The following CHM variants were observed in gnomAD, a reference collection of about 807,000 sequenced individuals.
CHM encodes rab proteins geranylgeranyltransferase component A 1.
In CHM, 10 loss-of-function variants were observed where a neutral mutation model predicts 49.0. That is an observed-to-expected ratio of 0.20 (90% CI 0.13 to 0.35). CHM has a LOEUF of 0.35. Ranked by LOEUF, CHM falls within the 10% of genes least tolerant of loss-of-function variation. The probability of loss-of-function intolerance (pLI) is 1.00; values close to 1 mark genes in which losing one functional copy is unlikely to be tolerated. For missense variants in CHM, 455 were observed against 478.4 expected, an observed-to-expected ratio of 0.95 and a Z score of 0.46; for synonymous variants, 184 against 167.5, an observed-to-expected ratio of 1.10 and a Z score of -0.76.
intron 8 of CHM, among the ~76,000 whole-genome samples, chrX:85,933,945 T>G (rs781419222): frequency 1.8e-5 from 2 of 111,881 alleles, no homozygotes; most frequent in African/African-American, 6.5e-5. Flanking sequence ...GAATTCAAGA[T>G]TGCAGGAGTC....
chrX:85,932,537 G>A (rs1012976703), intron 8 of CHM, among the ~76,000 whole-genome samples: 11 of 111,971 alleles, frequency 9.8e-5, no homozygotes. Context: ...TCTCATCGTG[G>A]CTAGAATACT....
chrX:85,936,406 T>C (rs1040801245), intron 8 of CHM, among the ~76,000 whole-genome samples: 2 of 111,666 alleles, frequency 1.8e-5, no homozygotes, highest in Non-Finnish European at 3.8e-5. Context: ...AGTCTCAAAG[T>C]AGCCAAAGGT....
chrX:86,045,279 A>C (rs1300233540), intron 1 of CHM, among the ~76,000 whole-genome samples: 4 of 112,301 alleles, frequency 3.6e-5, no homozygotes, highest in African/African-American at 1.3e-4. Context: ...TACTTTCAGC[A>C]AACTATTTCA....
intron 2 of CHM, among the ~76,000 whole-genome samples, chrX:86,005,373 C>T (rs1488117508): frequency 9.0e-6 from 1 of 111,503 alleles, no homozygotes; most frequent in Admixed American, 9.5e-5. Flanking sequence ...CAAGAGCAAA[C>T]ATGTTCGAAA....
At chrX:86,035,995 G>T (rs995742909) in intron 1 of CHM, among the ~76,000 whole-genome samples, 3 of 109,708 alleles carry the variant, frequency 2.7e-5, no homozygotes, top group Non-Finnish European at 5.7e-5. Flanking sequence ...GGGTTTCACC[G>T]TGTTAACCAG....
At chrX:85,997,825 T>C (rs748753350) in intron 2 of CHM, among the ~76,000 whole-genome samples, 3 of 111,110 alleles carry the variant, frequency 2.7e-5, no homozygotes, top group East Asian at 5.7e-4. Flanking sequence ...TGGCACATGC[T>C]TGTAATCCTA....
intron 12 of CHM, among the ~76,000 whole-genome samples, chrX:85,891,675 A>C (rs7886721): frequency 1.8e-3 from 201 of 112,374 alleles, no homozygotes; most frequent in African/African-American, 6.2e-3. Flanking sequence ...CCCATGGAGA[A>C]CCTCTGCTAG....
chrX:85,979,211 A>G (rs1037906128), intron 3 of CHM, among the ~76,000 whole-genome samples: 2 of 112,047 alleles, frequency 1.8e-5, no homozygotes, highest in Middle Eastern at 4.6e-3. Context: ...CTAACCCTCT[A>G]TCTGCTGAGA....
At chrX:86,040,135 T>C (rs771161333) in intron 1 of CHM, among the ~76,000 whole-genome samples, 27 of 112,287 alleles carry the variant, frequency 2.4e-4, no homozygotes, top group Non-Finnish European at 4.9e-4. Context: ...GAGGGCCCAC[T>C]GAGCTGTTAA....
intron 8 of CHM, among the ~76,000 whole-genome samples, chrX:85,916,321 T>G (rs1481899795): frequency 8.9e-6 from 1 of 112,023 alleles, no homozygotes; most frequent in African/African-American, 3.2e-5. Flanking sequence ...GATTAACAAC[T>G]TAAATGTAAA....
intron 4 of CHM, among the ~76,000 whole-genome samples, chrX:85,972,961 C>T (rs1174857727): frequency 5.4e-5 from 6 of 111,689 alleles, no homozygotes; most frequent in Non-Finnish European, 1.1e-4. Flanking sequence ...AAGAAATACA[C>T]ATTTTACTCT....
intron 5 of CHM, among the ~76,000 whole-genome samples, chrX:85,963,425 A>G (rs1603264336): frequency 8.9e-6 from 1 of 112,876 alleles, no homozygotes. Context: ...AGGTTGTAGT[A>G]TGTGCTCAAG....
chrX:85,945,303 G>T (rs772197436), intron 8 of CHM, among the ~76,000 whole-genome samples: 1 of 109,372 alleles, frequency 9.1e-6, no homozygotes, highest in South Asian at 4.1e-4. Flanking sequence ...TGGTGGTAGG[G>T]CCTGGTGGGA....
rs1204463688 is a variant in CHM, at chrX:85,961,418, C to CAAAA, written c.702+2243_702+2246dup. On this transcript the variant is annotated intron_variant, in intron 5 of 14. Transcript: ENST00000357749. ...CTGGCAACAGAGCAAGACTCTGTCT[C>CAAAA]AAAAAAAAAAAAAAAAAAAAAAAAG... Among the ~76,000 whole-genome samples the CAAAA allele has an allele frequency of 8.2e-4, 20 of 24,354 alleles. 2 individuals are homozygous for CAAAA. Among genetic ancestry groups the CAAAA allele is most frequent in the East Asian group, 2.7e-3 (2 of 733 alleles). 21.1% of individuals were successfully genotyped at this position (24,354 alleles called of 115,157 possible). A position where few individuals can be genotyped will look rare whatever the true frequency, so the allele number is the denominator to read the frequency against.
chrX:86,005,033 T>C (rs896208225), intron 2 of CHM, among the ~76,000 whole-genome samples: 4 of 111,854 alleles, frequency 3.6e-5, no homozygotes, highest in Non-Finnish European at 7.5e-5. Flanking sequence ...CCTCAGCAAA[T>C]GTAAAAGAAC....
chrX:86,007,037 G>A (rs1430800111), intron 2 of CHM, among the ~76,000 whole-genome samples: 1 of 111,707 alleles, frequency 9.0e-6, no homozygotes, highest in Admixed American at 9.5e-5. Context: ...AACCAAAACA[G>A]CATGGCACTG....
chrX:86,004,655 A>C (rs1192198198), intron 2 of CHM, among the ~76,000 whole-genome samples: 1 of 112,379 alleles, frequency 8.9e-6, no homozygotes, highest in East Asian at 2.8e-4. Flanking sequence ...AAAGATCAAA[A>C]GAGACAAAGA....
chrX:85,955,731 G>A (rs1365937024), intron 8 of CHM, among the ~76,000 whole-genome samples: 1 of 111,896 alleles, frequency 8.9e-6, no homozygotes, highest in Non-Finnish European at 1.9e-5. Context: ...ATATGTTTCC[G>A]AGAGAAATTC....
intron 8 of CHM, among the ~76,000 whole-genome samples, chrX:85,929,240 ACACT>A (rs924158635): frequency 9.8e-5 from 11 of 111,680 alleles, no homozygotes; most frequent in African/African-American, 3.3e-4. Context: ...AGATCCTCTG[ACACT>A]CACAGTTCCT....
Sources: gnomAD v4.1 joint callset for allele counts (sites outside exome capture counted in the v4.1 genomes callset) on GRCh38, gnomAD v4.1.1 for gene constraint, MANE v1.5 for transcripts, NCBI Gene and HGNC (gene_info 2026-07-23, HGNC 2026-07-21) for gene names.